The following PRPF6 variants were observed in gnomAD, a reference collection of about 807,000 sequenced individuals.
The protein encoded by PRPF6 is pre-mRNA-processing factor 6.
PRPF6 carries 42 observed loss-of-function variants against 118.3 expected under a neutral mutation model. The observed-to-expected ratio is 0.35, with a 90% CI of 0.28 to 0.46. The LOEUF (loss-of-function observed/expected upper bound fraction) is 0.46. Among genes scored for constraint, PRPF6 ranks in the 20% least tolerant of loss-of-function variants. The probability of loss-of-function intolerance (pLI) is 1.00; values close to 1 mark genes in which losing one functional copy is unlikely to be tolerated. For missense variants in PRPF6, 662 were observed against 1,255.7 expected, an observed-to-expected ratio of 0.53 and a Z score of 7.15; for synonymous variants, 481 against 485.1, an observed-to-expected ratio of 0.99 and a Z score of 0.11.
chr20:64,007,167 C>T (rs754144622), intron 9 of PRPF6, among the ~76,000 whole-genome samples: 2 of 152,240 alleles, frequency 1.3e-5, no homozygotes, highest in Non-Finnish European at 2.9e-5. Context: ...GCCATTTCCA[C>T]CCTATGAGGC....
In PRPF6 at chr20:64,029,373, A is replaced by G. The variant is rs1187636179; in HGVS notation, c.2432-4A>G. ...AATCTTTGTTCTTTGTTTCTGAATT[A>G]TAGGTATCCTGTGGTCTGAGGCCAT... On this transcript the variant is annotated splice_region_variant and splice_polypyrimidine_tract_variant and intron_variant, in intron 18 of 20. Transcript: ENST00000266079. The surrounding 1 kb of genome is among the most constrained non-coding windows in gnomAD (Gnocchi z 4.8). 1.2e-6 allele frequency: 2 copies of G among 1,612,856 alleles called. No homozygotes were observed. The highest frequency in any genetic ancestry group is 1.1e-5 in the South Asian group (1 of 91,066).
At position 64,028,420 on chromosome 20, in the gene PRPF6, A is replaced by G; in HGVS notation, c.2340-58A>G. 2.5e-6 allele frequency: 4 copies of G among 1,575,966 alleles called. No individual in the cohort carries two copies. In the South Asian group the frequency reaches 3.3e-5, roughly 13 times the overall value. ...TTTCAGACAAGGCTTCCCAGAAGCT[A>G]CCAGAATATGTGCTGTTGGTAGACG... On this transcript the variant is annotated intron_variant, in intron 17 of 20. Transcript: ENST00000266079. The surrounding 1 kb of genome is among the most constrained non-coding windows in gnomAD (Gnocchi z 6.5).
At chr20:63,988,079 G>A (rs2122983340) in intron 3 of PRPF6, among the ~76,000 whole-genome samples, 1 of 152,128 alleles carries the variant, frequency 6.6e-6, no homozygotes, top group East Asian at 1.9e-4. Context: ...CAGCACCTTG[G>A]GAGAGTGAGG....
At chr20:63,988,430 G>A (rs576982461) in intron 3 of PRPF6, among the ~76,000 whole-genome samples, 11 of 150,922 alleles carry the variant, frequency 7.3e-5, no homozygotes, top group Non-Finnish European at 1.5e-4. Flanking sequence ...CCAGGAGGTC[G>A]AGGTTGCAGT....
chr20:64,013,281 C>G (rs1292492226), intron 11 of PRPF6, among the ~76,000 whole-genome samples: 2 of 152,150 alleles, frequency 1.3e-5, no homozygotes, highest in Non-Finnish European at 2.9e-5. Flanking sequence ...CAAAGATGAT[C>G]TAACTTAGGA....
rs1362132512 is a variant in PRPF6, at chr20:63,999,678, A to G, written c.942A>G (p.Ala314=). The G allele has an allele frequency of 1.4e-5, 22 of 1,614,022 alleles. No homozygotes were observed. The highest frequency in any genetic ancestry group is 1.9e-5 in the Non-Finnish European group (22 of 1,180,026). ...TNPHHPPAWI[A]SARLEEVTGK... ...CTCATCACCCGCCAGCCTGGATTGC[A>G]TCAGCCCGCCTGGAAGAAGTCACTG... The change falls in exon 8 of 21, where the codon GCA becomes GCG. Residue 314 remains alanine (A), a synonymous_variant. Coordinates refer to ENST00000266079, the MANE Select transcript of PRPF6 (RefSeq NM_012469.4).
At position 64,031,541 on chromosome 20, in the gene PRPF6, C is replaced by T. The variant is rs375666897; in HGVS notation, c.2547-377C>T. Among the ~76,000 whole-genome samples, 35 of 152,008 alleles carry T rather than the reference C, an allele frequency of 2.3e-4. 1 individual carries two copies. In the East Asian group the frequency reaches 4.1e-3, roughly 18 times the overall value. On this transcript the variant is annotated intron_variant, in intron 19 of 20. Transcript: ENST00000266079. Reference sequence around the variant, plus strand: ...TACAAAAATTAGCCGGGTGTGGTGGCGCATGCCTGTAATCCCAGCTACTCA... The same window carrying T: ...TACAAAAATTAGCCGGGTGTGGTGGTGCATGCCTGTAATCCCAGCTACTCA...
At chr20:64,016,984 C>T in intron 12 of PRPF6, 139 bp downstream of exon 12, 2 of 1,259,414 alleles carry the variant, frequency 1.6e-6, no homozygotes, top group Non-Finnish European at 2.2e-6. Context: ...GCTCTGTCGC[C>T]CAGGCTGGAG....
intron 12 of PRPF6, among the ~76,000 whole-genome samples, chr20:64,021,890 G>C (rs906838961): frequency 6.7e-6 from 1 of 149,296 alleles, no homozygotes; most frequent in African/African-American, 2.5e-5. Context: ...CCCCGTGTCT[G>C]TGTGTGTGTG....
At chr20:64,016,619 CT>C in intron 11 of PRPF6, 103 bp from the exon 12 acceptor site, 1 of 1,464,696 alleles carries the variant, frequency 6.8e-7, no homozygotes, top group Non-Finnish European at 9.3e-7. Flanking sequence ...GCATCTTGTG[CT>C]GATGTCTGTC....
At chr20:63,983,642 A>C (rs1004934536) in intron 2 of PRPF6, among the ~76,000 whole-genome samples, 1 of 131,362 alleles carries the variant, frequency 7.6e-6, no homozygotes, top group East Asian at 2.3e-4. Flanking sequence ...GGCATTTCCT[A>C]TTGGCCAGTC....
chr20:64,018,347 C>T (rs914016995), intron 12 of PRPF6, among the ~76,000 whole-genome samples: 9 of 152,012 alleles, frequency 5.9e-5, no homozygotes, highest in African/African-American at 9.7e-5. Context: ...TTGAGGACCA[C>T]GGGCCAGTGA....
chr20:64,000,991 G>A, intron 8 of PRPF6, 86 bp from the exon 9 acceptor site: 1 of 1,471,038 alleles, frequency 6.8e-7, no homozygotes. Flanking sequence ...GGGGCCCGAG[G>A]ATCTGCTCTG....
chr20:64,022,746 C>G lies in PRPF6; in HGVS notation c.1648-11C>G, dbSNP rs1318664936. The G allele has an allele frequency of 6.2e-7, 1 of 1,613,936 alleles. No homozygotes were observed. Among genetic ancestry groups the G allele is most frequent in the Non-Finnish European group, 8.5e-7 (1 of 1,180,012 alleles). ...CTGGGCTGCCCATTCTCATGTCTCT[C>G]TCTGCTCTAGTGTGTAGCCCACAAT... On this transcript the variant is annotated splice_polypyrimidine_tract_variant and intron_variant, in intron 12 of 20. Transcript: ENST00000266079.
chr20:64,006,615 C>T (rs979155419), intron 9 of PRPF6, among the ~76,000 whole-genome samples: 11 of 152,286 alleles, frequency 7.2e-5, no homozygotes, highest in Non-Finnish European at 1.5e-4. Flanking sequence ...CCACCACACC[C>T]GGCCTTTGGA....
At chr20:64,019,895 T>C (rs576747215) in intron 12 of PRPF6, among the ~76,000 whole-genome samples, 1 of 152,232 alleles carries the variant, frequency 6.6e-6, no homozygotes, top group Non-Finnish European at 1.5e-5. Flanking sequence ...ATTTTCATGC[T>C]GGGGCTCCTT....
At chr20:63,988,870 A>G (rs1244836176) in intron 3 of PRPF6, among the ~76,000 whole-genome samples, 2 of 149,192 alleles carry the variant, frequency 1.3e-5, no homozygotes, top group African/African-American at 4.9e-5. Context: ...CTCCGTCTCA[A>G]AAAAAAAAAA....
chr20:64,010,420 C>A, intron 10 of PRPF6, 102 bp downstream of exon 10: 1 of 995,350 alleles, frequency 1.0e-6, no homozygotes, highest in Non-Finnish European at 1.6e-6. Flanking sequence ...ATTGAGCTCA[C>A]TCAGGCTGCA....
At chr20:63,988,832 GCA>G (rs1367000214) in intron 3 of PRPF6, among the ~76,000 whole-genome samples, 1 of 151,416 alleles carries the variant, frequency 6.6e-6, no homozygotes, top group African/African-American at 2.4e-5. Flanking sequence ...TCGTGCCATT[GCA>G]CTCCGGCCTG....
Sources: allele counts gnomAD v4.1 joint callset (sites outside exome capture counted in the v4.1 genomes callset), GRCh38; gene constraint gnomAD v4.1.1; non-coding constraint Gnocchi (gnomAD v3.1); transcripts MANE v1.5; gene names NCBI Gene and HGNC (gene_info 2026-07-23, HGNC 2026-07-21).